Variants in CFAP77 observed in about 807,000 individuals in gnomAD.
The protein encoded by CFAP77 is cilia and flagella associated protein 77.
In CFAP77, 25 loss-of-function variants were observed where a neutral mutation model predicts 31.1. The observed-to-expected ratio is 0.80, with a 90% CI of 0.59 to 1.12. The LOEUF (loss-of-function observed/expected upper bound fraction) is 1.12. Ranked by LOEUF, CFAP77 falls within the 50% of genes most tolerant of loss-of-function variation. CFAP77 has a pLI of 0.00. For missense variants in CFAP77, 377 were observed against 397.3 expected, an observed-to-expected ratio of 0.95 and a Z score of 0.44; for synonymous variants, 151 against 159.9, an observed-to-expected ratio of 0.94 and a Z score of 0.42.
At chr9:132,534,420 G>C (rs1306182229) in intron 3 of CFAP77, among the ~76,000 whole-genome samples, 1 of 151,932 alleles carries the variant, frequency 6.6e-6, no homozygotes, top group African/African-American at 2.4e-5. Context: ...AGACCATCCT[G>C]GCTAACATGG....
rs188278376 is a variant in CFAP77 at position 132,552,288 on chromosome 9, G to T, written c.732+9241G>T. Among the ~76,000 whole-genome samples, 611 of 152,352 alleles carry T rather than the reference G, an allele frequency of 4.0e-3. 4 individuals are homozygous for T. Among genetic ancestry groups the T allele is most frequent in the Non-Finnish European group, 6.7e-3 (459 of 68,030 alleles). The stretch of plus-strand genomic sequence containing the variant: ...CGTGGCACAGGCCTGGCTAGGGGAC[G>T]GTCATGGAGCAACAAAGCCTCTGGG... On this transcript the variant is annotated intron_variant, in intron 5 of 5. Coordinates refer to ENST00000393216, the MANE Select transcript of CFAP77 (RefSeq NM_001282957.2). The surrounding 1 kb of genome is among the most constrained non-coding windows in gnomAD (Gnocchi z 5.5).
chr9:132,475,370 T>C (rs903812355), intron 1 of CFAP77, among the ~76,000 whole-genome samples: 1 of 152,232 alleles, frequency 6.6e-6, no homozygotes, highest in Non-Finnish European at 1.5e-5. Flanking sequence ...TTGCTTTCTA[T>C]GGCTGCATCT....
rs1209136381 is a variant in CFAP77 at position 132,497,579 on chromosome 9, G to A, written c.196-1116G>A. ...GGGGCTGTGGGCATTTCTTTGGCTT[G>A]TGGATCTGAGCATGAGCTGGGGGCA... On this transcript the variant is annotated intron_variant, in intron 1 of 5. Coordinates refer to ENST00000393216, the MANE Select transcript of CFAP77 (RefSeq NM_001282957.2). The surrounding 1 kb of genome is among the most constrained non-coding windows in gnomAD (Gnocchi z 4.9). Among the ~76,000 whole-genome samples the A allele has an allele frequency of 1.3e-5, 2 of 152,172 alleles. No homozygotes were observed. Among genetic ancestry groups the A allele is most frequent in the Non-Finnish European group, 2.9e-5 (2 of 68,024 alleles).
At chr9:132,413,526 A>C (rs1850046393) in intron 1 of CFAP77, among the ~76,000 whole-genome samples, 2 of 152,232 alleles carry the variant, frequency 1.3e-5, no homozygotes. Context: ...AAAGAATAAA[A>C]TTAAATAGAG....
chr9:132,413,837 A>G (rs1010165125), intron 1 of CFAP77, among the ~76,000 whole-genome samples: 7 of 152,208 alleles, frequency 4.6e-5, no homozygotes, highest in African/African-American at 1.7e-4. Flanking sequence ...CGATTTTTTC[A>G]TAATTTATTA....
intron 5 of CFAP77, among the ~76,000 whole-genome samples, chr9:132,561,446 T>C (rs957657281): frequency 6.6e-6 from 1 of 151,944 alleles, no homozygotes; most frequent in Non-Finnish European, 1.5e-5. Flanking sequence ...GGGACCTTCG[T>C]GTGGCCAGTG....
chr9:132,473,149 A>C (rs1395411548), intron 1 of CFAP77, among the ~76,000 whole-genome samples: 1 of 152,102 alleles, frequency 6.6e-6, no homozygotes, highest in Non-Finnish European at 1.5e-5. Flanking sequence ...AACAGCTTCC[A>C]AGAAACTAAC....
intron 3 of CFAP77, among the ~76,000 whole-genome samples, chr9:132,530,276 CT>C (rs770618011): frequency 0.081 from 11,206 of 138,470 alleles, 488 homozygotes; most frequent in South Asian, 0.14. Context: ...TGCCAATTTT[CT>C]TTTTTTTTTT....
chr9:132,457,217 G>T (rs1290482880), intron 1 of CFAP77, among the ~76,000 whole-genome samples: 1 of 149,130 alleles, frequency 6.7e-6, no homozygotes, highest in African/African-American at 2.5e-5. Context: ...GGGTCCAGTT[G>T]TGTGATCCTG....
intron 1 of CFAP77, among the ~76,000 whole-genome samples, chr9:132,438,173 G>T (rs1031955644): frequency 1.5e-5 from 2 of 135,046 alleles, no homozygotes; most frequent in African/African-American, 5.6e-5. Flanking sequence ...CTGCCTTCTA[G>T]CCTGGGAGAC....
rs1406525722 is a variant in CFAP77, at chr9:132,517,296, G to A, written c.524+17696G>A. Among the ~76,000 whole-genome samples the A allele has an allele frequency of 6.6e-6, 1 of 152,180 alleles. No individual in the cohort carries two copies. Among genetic ancestry groups the A allele is most frequent in the Non-Finnish European group, 1.5e-5 (1 of 68,034 alleles). ...CGGCCCCCGGGAGCAGCAGACTGCT[G>A]GCATATTAGAGATGGATTTTAATTT... On this transcript the variant is annotated intron_variant, in intron 3 of 5. Transcript: ENST00000393216. This position sits in a 1 kb window ranked among gnomAD's most constrained non-coding sequence, Gnocchi z 4.7.
chr9:132,443,202 T>G (rs1216487843), intron 1 of CFAP77, among the ~76,000 whole-genome samples: 1 of 152,186 alleles, frequency 6.6e-6, no homozygotes, highest in Non-Finnish European at 1.5e-5. Context: ...TATCCATTCA[T>G]TGAGGGGCAT....
At chr9:132,515,418 C>T (rs1020466979) in intron 3 of CFAP77, among the ~76,000 whole-genome samples, 5 of 152,104 alleles carry the variant, frequency 3.3e-5, no homozygotes, top group African/African-American at 9.7e-5. Flanking sequence ...CTTCCTGTGT[C>T]CCTTCCTCTG....
At chr9:132,456,175 G>A (rs375317125) in intron 1 of CFAP77, among the ~76,000 whole-genome samples, 2 of 152,188 alleles carry the variant, frequency 1.3e-5, no homozygotes, top group Non-Finnish European at 2.9e-5. Context: ...GAGAAAGACA[G>A]ACAATAAATA....
intron 1 of CFAP77, among the ~76,000 whole-genome samples, chr9:132,487,219 G>T (rs1295510951): frequency 6.6e-6 from 1 of 152,194 alleles, no homozygotes; most frequent in East Asian, 1.9e-4. Context: ...GGTTTTGCAG[G>T]GGAGGAAAGA....
At chr9:132,420,945 T>C (rs1850204623) in intron 1 of CFAP77, among the ~76,000 whole-genome samples, 1 of 151,394 alleles carries the variant, frequency 6.6e-6, no homozygotes, top group African/African-American at 2.4e-5. Context: ...AGCTCCATCT[T>C]CACCTGGACG....
chr9:132,425,191 A>C (rs1011967077), intron 1 of CFAP77, among the ~76,000 whole-genome samples: 2 of 152,136 alleles, frequency 1.3e-5, no homozygotes, highest in African/African-American at 4.8e-5. Context: ...TGAATTGCAC[A>C]TTCTTGCGTC....
At chr9:132,411,369 G>A (rs1849996232) in intron 1 of CFAP77, among the ~76,000 whole-genome samples, 3 of 152,240 alleles carry the variant, frequency 2.0e-5, no homozygotes, top group Non-Finnish European at 4.4e-5. Flanking sequence ...GTAGAGCCCA[G>A]AGGTGGTGGT....
intron 1 of CFAP77, among the ~76,000 whole-genome samples, chr9:132,430,791 A>T (rs757500721): frequency 2.0e-5 from 3 of 152,146 alleles, no homozygotes; most frequent in Non-Finnish European, 2.9e-5. Flanking sequence ...TAACATTTAT[A>T]TACTCCAGAT....
Sources: gnomAD v4.1 joint callset for allele counts (sites outside exome capture counted in the v4.1 genomes callset) on GRCh38, gnomAD v4.1.1 for gene constraint, Gnocchi (gnomAD v3.1) non-coding constraint, MANE v1.5 for transcripts, NCBI Gene and HGNC (gene_info 2026-07-23, HGNC 2026-07-21) for gene names.